CEP112: variants seen among roughly 807,000 people sequenced by gnomAD.
The protein encoded by CEP112 is centrosomal protein 112.
Under a neutral mutation model 153.0 loss-of-function variants are expected in CEP112, and 127 were observed. The observed-to-expected ratio is 0.83, with a 90% CI of 0.72 to 0.96. The LOEUF (loss-of-function observed/expected upper bound fraction) is 0.96. CEP112 is among the 40% of genes least tolerant of loss of function. The probability of loss-of-function intolerance (pLI) is 0.00; values close to 1 mark genes in which losing one functional copy is unlikely to be tolerated. For missense variants in CEP112, 1,089 were observed against 1,101.2 expected (o/e 0.99, Z 0.16); for synonymous variants, 358 against 374.4 (o/e 0.96, Z 0.51).
intron 22 of CEP112, among the ~76,000 whole-genome samples, chr17:65,749,401 G>C (rs190490078): frequency 2.1e-3 from 317 of 152,080 alleles, no homozygotes; most frequent in Non-Finnish European, 3.0e-3. Context: ...CCAGCTACTC[G>C]GGAGGCTGAG....
At chr17:65,807,894 C>T (rs2055706929) in intron 21 of CEP112, among the ~76,000 whole-genome samples, 1 of 152,194 alleles carries the variant, frequency 6.6e-6, no homozygotes, top group Non-Finnish European at 1.5e-5. Context: ...ATACAGAGTC[C>T]CCACTGGGGC....
intron 4 of CEP112, among the ~76,000 whole-genome samples, chr17:66,146,485 T>A (rs1054998516): frequency 6.6e-6 from 1 of 152,130 alleles, no homozygotes; most frequent in African/African-American, 2.4e-5. Flanking sequence ...ATCTTCTTTT[T>A]AAAATGTTTT....
At chr17:66,177,840 C>T (rs2072551827) in intron 2 of CEP112, among the ~76,000 whole-genome samples, 1 of 152,112 alleles carries the variant, frequency 6.6e-6, no homozygotes, top group Admixed American at 6.5e-5. Context: ...CAGCTTATTT[C>T]ACTTAACATA....
At chr17:66,190,516 T>G (rs2073123631) in intron 1 of CEP112, among the ~76,000 whole-genome samples, 1 of 151,650 alleles carries the variant, frequency 6.6e-6, no homozygotes, top group Non-Finnish European at 1.5e-5. Context: ...GTTATATAAA[T>G]TATTTCAAAG....
At chr17:66,148,224 A>C (rs1478516497) in intron 4 of CEP112, among the ~76,000 whole-genome samples, 1 of 152,200 alleles carries the variant, frequency 6.6e-6, no homozygotes, top group Non-Finnish European at 1.5e-5. Flanking sequence ...ATCTAGTGAG[A>C]CTTATTTACT....
intron 18 of CEP112, among the ~76,000 whole-genome samples, chr17:65,955,987 T>C (rs913556992): frequency 6.6e-6 from 1 of 152,068 alleles, no homozygotes. Flanking sequence ...AACTATACCC[T>C]ACAACAAATG....
At chr17:66,069,313 T>C (rs1171233675) in intron 9 of CEP112, among the ~76,000 whole-genome samples, 3 of 151,972 alleles carry the variant, frequency 2.0e-5, no homozygotes, top group Non-Finnish European at 4.4e-5. Context: ...TACTAAAATA[T>C]AGTAACAACC....
At chr17:65,665,209 T>C (rs569524501) in intron 24 of CEP112, among the ~76,000 whole-genome samples, 6 of 152,330 alleles carry the variant, frequency 3.9e-5, no homozygotes, top group Middle Eastern at 3.4e-3. Context: ...CACCCCCACT[T>C]TGCTGTGTCA....
Position 65,640,156 on chromosome 17 carries a change from T to TATATATATA in CEP112, c.2799+807_2799+808insTATATATAT, listed in dbSNP as rs1567796006. On this transcript the variant is annotated intron_variant, in intron 25 of 26. Coordinates refer to ENST00000535342, the MANE Select transcript of CEP112 (RefSeq NM_001199165.4). ...CCCGACCATATATATATATATATAT[T>TATATATATA]TTTTTTTTTTTTTTTTTGAGACAGT... Among the ~76,000 whole-genome samples, 262 of 32,234 alleles carry TATATATATA rather than the reference T, an allele frequency of 8.1e-3. 2 individuals are homozygous for TATATATATA. Among genetic ancestry groups the TATATATATA allele is most frequent in the African/African-American group, 0.057 (246 of 4,314 alleles). 21.1% of individuals were successfully genotyped at this position (32,234 alleles called of 152,430 possible). A position where few individuals can be genotyped will look rare whatever the true frequency, so the allele number is the denominator to read the frequency against.
chr17:65,639,422 C>T (rs2044970940), intron 25 of CEP112, among the ~76,000 whole-genome samples: 1 of 152,054 alleles, frequency 6.6e-6, no homozygotes. Flanking sequence ...CACGGTGGCT[C>T]ATGCTTGCAA....
chr17:65,996,644 C>T (rs1226870980), intron 17 of CEP112, among the ~76,000 whole-genome samples: 2 of 152,158 alleles, frequency 1.3e-5, no homozygotes, highest in African/African-American at 2.4e-5. Flanking sequence ...CTTCATCTTC[C>T]TTATTTTCCT....
At chr17:65,907,552 A>G (rs1401400356) in intron 19 of CEP112, among the ~76,000 whole-genome samples, 1 of 152,122 alleles carries the variant, frequency 6.6e-6, no homozygotes, top group Admixed American at 6.5e-5. Context: ...TAAGTCCAAC[A>G]CTACATGGCT....
chr17:65,932,298 A>G (rs1234751034), intron 18 of CEP112, among the ~76,000 whole-genome samples: 1 of 152,238 alleles, frequency 6.6e-6, no homozygotes, highest in African/African-American at 2.4e-5. Context: ...AAAGGCCAAA[A>G]GAGGAAGCCA....
At chr17:65,759,402 C>T (rs1485747170) in intron 21 of CEP112, among the ~76,000 whole-genome samples, 1 of 152,092 alleles carries the variant, frequency 6.6e-6, no homozygotes, top group African/African-American at 2.4e-5. Flanking sequence ...GATGGAGTCC[C>T]CTTTCATGTA....
intron 21 of CEP112, among the ~76,000 whole-genome samples, chr17:65,819,815 A>C (rs2145987499): frequency 6.6e-6 from 1 of 152,148 alleles, no homozygotes; most frequent in South Asian, 2.1e-4. Context: ...AAGACAGGGG[A>C]GGTGTCATAG....
At chr17:65,996,286 C>T (rs2063789474) in intron 17 of CEP112, among the ~76,000 whole-genome samples, 1 of 150,678 alleles carries the variant, frequency 6.6e-6, no homozygotes, top group Non-Finnish European at 1.5e-5. Flanking sequence ...AAAACCCCCC[C>T]ATTATGCAGT....
chr17:65,843,562 T>A (rs2057605754), intron 21 of CEP112, among the ~76,000 whole-genome samples: 1 of 152,214 alleles, frequency 6.6e-6, no homozygotes, highest in South Asian at 2.1e-4. Flanking sequence ...TTATAAATTT[T>A]AAAGGTTTAA....
intron 24 of CEP112, among the ~76,000 whole-genome samples, chr17:65,676,628 A>G (rs1255909222): frequency 6.6e-6 from 1 of 152,228 alleles, no homozygotes; most frequent in Non-Finnish European, 1.5e-5. Context: ...ACGTATATCC[A>G]GGCCATATAG....
At chr17:65,673,389 C>T (rs2047079374) in intron 24 of CEP112, among the ~76,000 whole-genome samples, 1 of 152,194 alleles carries the variant, frequency 6.6e-6, no homozygotes, top group Admixed American at 6.5e-5. Context: ...AAGTTCTCGG[C>T]CCTTAGTGGT....
Sources: gnomAD v4.1 joint callset for allele counts (sites outside exome capture counted in the v4.1 genomes callset) on GRCh38, gnomAD v4.1.1 for gene constraint, MANE v1.5 for transcripts, NCBI Gene and HGNC (gene_info 2026-07-23, HGNC 2026-07-21) for gene names.